The following GALNT16 variants were observed in gnomAD, a reference collection of about 807,000 sequenced individuals.
The protein encoded by GALNT16 is UDP-GalNAc:polypeptide N-acetylgalactosaminyltransferase-like protein 1.
In GALNT16, 40 loss-of-function variants were observed where a neutral mutation model predicts 76.1. The ratio of observed to expected loss-of-function variants is 0.53; its 90% CI spans 0.41 to 0.68. The LOEUF (loss-of-function observed/expected upper bound fraction) is 0.68, where lower values mean the gene tolerates loss of function less well. GALNT16 is among the 30% of genes least tolerant of loss of function. The pLI, the probability that GALNT16 is intolerant of heterozygous loss-of-function variation, is 0.00. For synonymous variants in GALNT16, 276 were observed against 285.2 expected (o/e 0.97, Z 0.32); for missense variants, 621 against 731.9 (o/e 0.85, Z 1.75).
chr14:69,316,985 A>C (rs972920391), intron 1 of GALNT16, among the ~76,000 whole-genome samples: 3 of 152,160 alleles, frequency 2.0e-5, no homozygotes, highest in Non-Finnish European at 4.4e-5. Context: ...CTCACCATCT[A>C]GTGGAAAAGA....
chr14:69,331,344 A>G, intron 6 of GALNT16, 120 bp from the exon 7 acceptor site: 1 of 699,914 alleles, frequency 1.4e-6, no homozygotes. Flanking sequence ...CCCTGGGCAT[A>G]CCCTGCAGGA....
At chr14:69,380,963 G>T in the GALNT16 span, among the ~76,000 whole-genome samples, 1 of 152,256 alleles carries the variant, frequency 6.6e-6, no homozygotes, top group East Asian at 1.9e-4. Context: ...CTATTTTTAT[G>T]GTTCCTTTAG....
chr14:69,284,976 A>G (rs1034006795), intron 1 of GALNT16, among the ~76,000 whole-genome samples: 11 of 151,268 alleles, frequency 7.3e-5, no homozygotes, highest in African/African-American at 2.7e-4. Flanking sequence ...AGGCCTCCCC[A>G]GCCATGCAGA....
At chr14:69,330,412 G>A (rs1458339942) in intron 6 of GALNT16, among the ~76,000 whole-genome samples, 1 of 152,234 alleles carries the variant, frequency 6.6e-6, no homozygotes, top group Non-Finnish European at 1.5e-5. Flanking sequence ...TCTTGTCGGG[G>A]TGGTGAAATG....
chr14:69,292,650 A>T (rs990069469), intron 1 of GALNT16, among the ~76,000 whole-genome samples: 1 of 152,160 alleles, frequency 6.6e-6, no homozygotes, highest in African/African-American at 2.4e-5. Flanking sequence ...CTCTGGGGAG[A>T]TGGAGAATCA....
At chr14:69,321,325 G>C (rs937703749) in intron 2 of GALNT16, among the ~76,000 whole-genome samples, 2 of 152,174 alleles carry the variant, frequency 1.3e-5, no homozygotes, top group Non-Finnish European at 2.9e-5. Context: ...TCCTAGTCTT[G>C]TTCTTAGTTC....
chr14:69,352,306 C>G lies in GALNT16; in HGVS notation c.*138C>G. On this transcript the variant is annotated 3_prime_UTR_variant, in exon 15 of 15. Transcript: ENST00000448469. ...CCATCAGCAAATACCCACCATGACA[C>G]ACGTTCTCCAAAGCTTGTTCTAGGA... 1.3e-6 allele frequency: 1 copy of G among 795,970 alleles called. No individual in the cohort carries two copies. The highest frequency in any genetic ancestry group is 1.9e-6 in the Non-Finnish European group (1 of 515,018). The allele number at this position is 795,970 out of a possible 1,614,324, so 49.3% of individuals were successfully genotyped here.
At chr14:69,311,789 G>A (rs2045024163) in intron 1 of GALNT16, among the ~76,000 whole-genome samples, 1 of 152,168 alleles carries the variant, frequency 6.6e-6, no homozygotes, top group Non-Finnish European at 1.5e-5. Flanking sequence ...GTGTTGAATT[G>A]GATCCTGGCC....
intron 1 of GALNT16, among the ~76,000 whole-genome samples, chr14:69,269,809 T>TG (rs540043664): frequency 0.054 from 7,803 of 145,114 alleles, 655 homozygotes; most frequent in African/African-American, 0.21. Flanking sequence ...CATTTGTGTG[T>TG]TTGTGTGTGT....
intron 14 of GALNT16, 121 bp downstream of exon 14, chr14:69,348,123 TGG>T (rs1291607689): frequency 1.0e-5 from 10 of 1,004,736 alleles, no homozygotes; most frequent in Middle Eastern, 5.1e-4. Flanking sequence ...CGAGGATCTG[TGG>T]GGAGGGGGAG....
the GALNT16 span, among the ~76,000 whole-genome samples, chr14:69,363,379 G>A: frequency 3.3e-5 from 5 of 152,358 alleles, no homozygotes; most frequent in African/African-American, 1.2e-4. Flanking sequence ...AGGAGAAAGA[G>A]AAGAGGCTGG....
chr14:69,300,352 G>T (rs984753601), intron 1 of GALNT16, among the ~76,000 whole-genome samples: 2 of 152,192 alleles, frequency 1.3e-5, no homozygotes, highest in African/African-American at 4.8e-5. Flanking sequence ...ACACTGAGCA[G>T]CATCAGCACT....
chr14:69,336,329 C>T (rs953135604), intron 9 of GALNT16, among the ~76,000 whole-genome samples: 4 of 152,164 alleles, frequency 2.6e-5, no homozygotes, highest in Non-Finnish European at 5.9e-5. Flanking sequence ...AGGATGGTCT[C>T]GAACTCCTGA....
chr14:69,329,393 T>G (rs2045325397), intron 6 of GALNT16, among the ~76,000 whole-genome samples: 1 of 152,036 alleles, frequency 6.6e-6, no homozygotes, highest in South Asian at 2.1e-4. Context: ...GAGTAGACAT[T>G]TTTTCAAGGA....
chr14:69,296,343 A>T (rs1020729427), intron 1 of GALNT16, among the ~76,000 whole-genome samples: 1 of 152,174 alleles, frequency 6.6e-6, no homozygotes, highest in Non-Finnish European at 1.5e-5. Flanking sequence ...ACAATTCAAC[A>T]TGAGATTTGG....
At chr14:69,297,301 A>G (rs1052110222) in intron 1 of GALNT16, among the ~76,000 whole-genome samples, 9 of 152,250 alleles carry the variant, frequency 5.9e-5, no homozygotes, top group African/African-American at 2.2e-4. Flanking sequence ...CCTCACCAAT[A>G]GAGTGAGTTA....
chr14:69,301,184 A>G (rs1349602170), intron 1 of GALNT16, among the ~76,000 whole-genome samples: 1 of 152,226 alleles, frequency 6.6e-6, no homozygotes, highest in Non-Finnish European at 1.5e-5. Context: ...GGAGTTTGTG[A>G]GCCTCTGAAA....
intron 1 of GALNT16, among the ~76,000 whole-genome samples, chr14:69,303,329 AG>A (rs1438924213): frequency 6.6e-6 from 1 of 152,180 alleles, no homozygotes; most frequent in Non-Finnish European, 1.5e-5. Context: ...GGGGCTGGTT[AG>A]CCCAATAGCA....
chr14:69,370,292 A>G, the GALNT16 span, among the ~76,000 whole-genome samples: 12 of 152,294 alleles, frequency 7.9e-5, no homozygotes, highest in East Asian at 2.3e-3. Context: ...CGTCCTCAAC[A>G]AAGGCTTCTT....
Sources: allele counts gnomAD v4.1 joint callset (sites outside exome capture counted in the v4.1 genomes callset), GRCh38; gene constraint gnomAD v4.1.1; transcripts MANE v1.5; gene names NCBI Gene and HGNC (gene_info 2026-07-23, HGNC 2026-07-21).